Variants in CDH10 observed in about 807,000 individuals in gnomAD.
CDH10 encodes the protein cadherin-10.
Under a neutral mutation model 73.1 loss-of-function variants are expected in CDH10, and 30 were observed. The observed-to-expected ratio is 0.41, with a 90% CI of 0.31 to 0.56. The LOEUF is 0.56. Among genes scored for constraint, CDH10 ranks in the 20% least tolerant of loss-of-function variants. The pLI is 0.27. For missense variants in CDH10, 815 were observed against 973.7 expected (o/e 0.84, Z 2.17); for synonymous variants, 345 against 348.2 (o/e 0.99, Z 0.10).
intron 2 of CDH10, chr5:24,554,119 G>GAGAGAGAGAGAGAGAGAAAGAGAGAGA (rs143196281): frequency 2.5e-5 from 1 of 39,782 alleles, no homozygotes; most frequent in Non-Finnish European, 5.8e-5. Flanking sequence ...GGCGGGGGGG[G>GAGAGAGAGAGAGAGAGAAAGAGAGAGA]GAGAGAGAGA....
chr5:24,611,608 T>A (rs1011600586), intron 1 of CDH10, among the ~76,000 whole-genome samples: 19 of 152,216 alleles, frequency 1.2e-4, no homozygotes, highest in Admixed American at 2.6e-4. Context: ...AGATTTTTGT[T>A]AACAATGAAC....
Position 24,604,896 on chromosome 5 carries a change from CAA to C in CDH10, c.-123-11285_-123-11284del, listed in dbSNP as rs1303421458. ...TAAAAAAAAAAAAAAAAAAAAAAAACAAAAACAAACAAACAAACAAAAGAAAG... is the reference window on the plus strand; with the variant it reads ...TAAAAAAAAAAAAAAAAAAAAAAAACAAACAAACAAACAAACAAAAGAAAG... On this transcript the variant is annotated intron_variant, in intron 1 of 11. Transcript: ENST00000264463. Among the ~76,000 whole-genome samples the C allele has an allele frequency of 4.5e-3, 584 of 131,050 alleles. 1 individual carries two copies. The highest frequency in any genetic ancestry group is 6.6e-3 in the South Asian group (29 of 4,378). The allele number at this position is 131,050 out of a possible 152,430, so 86.0% of individuals were successfully genotyped here. A position where few individuals can be genotyped will look rare whatever the true frequency, so the allele number is the denominator to read the frequency against.
chr5:24,541,129 T>C (rs1744138606), intron 2 of CDH10, among the ~76,000 whole-genome samples: 1 of 151,948 alleles, frequency 6.6e-6, no homozygotes, highest in South Asian at 2.1e-4. Flanking sequence ...GAATAGCTCC[T>C]CTTCTAGATG....
chr5:24,620,367 G>T (rs1399908960), intron 1 of CDH10, among the ~76,000 whole-genome samples: 1 of 151,806 alleles, frequency 6.6e-6, no homozygotes, highest in Non-Finnish European at 1.5e-5. Flanking sequence ...TCTCCAAATT[G>T]GTTGAGAAAA....
intron 11 of CDH10, among the ~76,000 whole-genome samples, chr5:24,490,789 T>C (rs1385524569): frequency 6.6e-6 from 1 of 152,224 alleles, no homozygotes; most frequent in South Asian, 2.1e-4. Context: ...GTTAAAGTTG[T>C]ATTTAACTTT....
At chr5:24,599,465 C>T (rs1746485796) in intron 1 of CDH10, among the ~76,000 whole-genome samples, 1 of 152,124 alleles carries the variant, frequency 6.6e-6, no homozygotes, top group Non-Finnish European at 1.5e-5. Flanking sequence ...GATTATTTTT[C>T]TTCTAAGTTA....
At chr5:24,513,738 C>G (rs1268818954) in intron 5 of CDH10, among the ~76,000 whole-genome samples, 1 of 152,118 alleles carries the variant, frequency 6.6e-6, no homozygotes, top group African/African-American at 2.4e-5. Flanking sequence ...AAGCAACTCT[C>G]AATTCATTAC....
intron 2 of CDH10, among the ~76,000 whole-genome samples, chr5:24,562,207 T>C (rs1561164636): frequency 6.6e-6 from 1 of 152,084 alleles, no homozygotes; most frequent in Non-Finnish European, 1.5e-5. Flanking sequence ...TAAAACTATA[T>C]TCACAATTTC....
intron 2 of CDH10, among the ~76,000 whole-genome samples, chr5:24,559,484 C>T (rs1744879772): frequency 6.6e-6 from 1 of 152,014 alleles, no homozygotes. Flanking sequence ...TTCCTTCAAA[C>T]ATTTCACTAT....
chr5:24,568,460 A>T (rs1269695943), intron 2 of CDH10, among the ~76,000 whole-genome samples: 1 of 152,108 alleles, frequency 6.6e-6, no homozygotes. Flanking sequence ...TTTCATACCC[A>T]TAAGGATAGT....
At chr5:24,632,734 T>C (rs1266609778) in intron 1 of CDH10, among the ~76,000 whole-genome samples, 1 of 151,980 alleles carries the variant, frequency 6.6e-6, no homozygotes, top group Non-Finnish European at 1.5e-5. Context: ...TATAAATTTG[T>C]CTTTAGTTCC....
chr5:24,533,376 C>A (rs1458120051), intron 5 of CDH10, among the ~76,000 whole-genome samples: 1 of 151,456 alleles, frequency 6.6e-6, no homozygotes. Context: ...AATAATGAGA[C>A]AAGATATGGG....
intron 2 of CDH10, among the ~76,000 whole-genome samples, chr5:24,572,935 G>GAAAAAA (rs55946839): frequency 0.014 from 996 of 72,140 alleles, 3 homozygotes; most frequent in Non-Finnish European, 0.015. Flanking sequence ...CTTAGAAAAA[G>GAAAAAA]AAAAAAAAAA....
At chr5:24,631,052 C>A (rs545371516) in intron 1 of CDH10, among the ~76,000 whole-genome samples, 1 of 152,190 alleles carries the variant, frequency 6.6e-6, no homozygotes, top group Admixed American at 6.5e-5. Flanking sequence ...CTTAGTAGAT[C>A]TGCCTCAAGT....
At position 24,491,696 on chromosome 5, in the gene CDH10, C is replaced by G. The variant is rs2111639013; in HGVS notation, c.1756G>C (p.Val586Leu). 6.2e-7 allele frequency: 1 copy of G among 1,614,038 alleles called. No homozygotes were observed. The highest frequency in any genetic ancestry group is 8.5e-7 in the Non-Finnish European group (1 of 1,179,922). Residue 586 changes from valine to leucine, a missense_variant, in exon 11 of 12, where the codon GTG (valine) becomes CTG (leucine). By Grantham distance (32) the Val-to-Leu change is conservative (BLOSUM62 1). Around this residue, in one of 3 missense-constraint regions of CDH10, gnomAD observed 516 missense variants for 636.6 expected, o/e 0.81. Coordinates refer to ENST00000264463, the MANE Select transcript of CDH10 (RefSeq NM_006727.5). ...QSSTGTLTIRVCACDSQGNMQ... is the reference protein window; with the variant it reads ...QSSTGTLTIRLCACDSQGNMQ... ...TTGCCTTGGCTGTCACAAGCACACA[C>G]TCGAATGGTCAGTGTGCCTGTGCTG...
At chr5:24,600,941 G>A (rs1746539686) in intron 1 of CDH10, among the ~76,000 whole-genome samples, 1 of 151,612 alleles carries the variant, frequency 6.6e-6, no homozygotes, top group African/African-American at 2.4e-5. Context: ...ACAGTGTTGG[G>A]TTATGTCTTT....
At chr5:24,575,292 G>A (rs1745557358) in intron 2 of CDH10, among the ~76,000 whole-genome samples, 1 of 140,138 alleles carries the variant, frequency 7.1e-6, no homozygotes, top group South Asian at 2.3e-4. Context: ...AACCCGGGAG[G>A]CAGAGGTTGC....
intron 2 of CDH10, among the ~76,000 whole-genome samples, chr5:24,574,990 G>A (rs895814999): frequency 2.0e-5 from 3 of 151,974 alleles, no homozygotes; most frequent in Non-Finnish European, 4.4e-5. Flanking sequence ...TATTACACAA[G>A]TCTGTTTTCA....
chr5:24,616,714 G>C (rs1445343687), intron 1 of CDH10, among the ~76,000 whole-genome samples: 1 of 152,112 alleles, frequency 6.6e-6, no homozygotes, highest in African/African-American at 2.4e-5. Context: ...ATTGATTCCA[G>C]ATAAGTAGGA....
Sources: allele counts gnomAD v4.1 joint callset (sites outside exome capture counted in the v4.1 genomes callset), GRCh38; gene constraint gnomAD v4.1.1; regional missense constraint gnomAD v4.1.1; transcripts MANE v1.5; gene names NCBI Gene and HGNC (gene_info 2026-07-23, HGNC 2026-07-21).